Variants in CAMSAP1 observed in about 807,000 individuals in gnomAD.
The protein encoded by CAMSAP1 is calmodulin-regulated spectrin-associated protein 1.
Under a neutral mutation model 143.5 loss-of-function variants are expected in CAMSAP1, and 58 were observed. The observed-to-expected ratio is 0.40, with a 90% CI of 0.33 to 0.50. The LOEUF (loss-of-function observed/expected upper bound fraction) is 0.50. Among genes scored for constraint, CAMSAP1 ranks in the 20% least tolerant of loss-of-function variants. CAMSAP1 has a pLI of 0.45. For synonymous variants in CAMSAP1, 945 were observed against 859.3 expected (o/e 1.10, Z -1.74); for missense variants, 1,969 against 2,115.7 (o/e 0.93, Z 1.36).
Position 135,821,182 on chromosome 9 carries a change from G to A in CAMSAP1, c.3479C>T (p.Pro1160Leu). Residue 1160 changes from proline to leucine, a missense_variant, in exon 11 of 17, where the codon CCA becomes CTA. By Grantham distance (98) the Pro-to-Leu change is moderately conservative (BLOSUM62 -3). This residue lies in a region of CAMSAP1 where 1,390 missense variants were observed against 1,420.8 expected (regional missense o/e 0.98). Coordinates refer to ENST00000389532, the MANE Select transcript of CAMSAP1 (RefSeq NM_015447.4). The surrounding 1 kb of genome is among the most constrained non-coding windows in gnomAD (Gnocchi z 4.6). ...LDSALEPSGD[P>L]HGKCLFDSYR... ...ACTGTCGAAGAGACACTTCCCATGT[G>A]GGTCACCACTGGGCTCCAGGGCACT... is the stretch of plus-strand genomic sequence containing the variant. 1 of 1,610,464 alleles carries A rather than the reference G, an allele frequency of 6.2e-7. No individual in the cohort carries two copies. The highest frequency in any genetic ancestry group is 8.5e-7 in the Non-Finnish European group (1 of 1,179,884).
At chr9:135,878,942 T>G (rs76487513) in intron 3 of CAMSAP1, among the ~76,000 whole-genome samples, 2,190 of 152,092 alleles carry the variant, frequency 0.014, 61 homozygotes, top group African/African-American at 0.048. Context: ...GAAAAGGTCA[T>G]GAAAACTAAA....
Position 135,829,424 on chromosome 9 carries a change from G to A in CAMSAP1, c.1046-1840C>T, listed in dbSNP as rs1835780265. ...CCCAGCTACTTGGGAGGCTGAGGTA[G>A]GAGGATTGCTTGAGCCCAGGAGTCT... On this transcript the variant is annotated intron_variant, in intron 7 of 16. Coordinates refer to ENST00000389532, the MANE Select transcript of CAMSAP1 (RefSeq NM_015447.4). Among the ~76,000 whole-genome samples, 3 of 152,156 alleles carry A rather than the reference G, an allele frequency of 2.0e-5. No homozygotes were observed. The South Asian group carries it at 6.2e-4, about 32-fold the overall frequency.
At chr9:135,851,687 C>T (rs1179024732) in intron 5 of CAMSAP1, among the ~76,000 whole-genome samples, 1 of 152,184 alleles carries the variant, frequency 6.6e-6, no homozygotes, top group Non-Finnish European at 1.5e-5. Flanking sequence ...CAAGCTATGC[C>T]TCATTTTAGC....
chr9:135,889,893 C>T (rs964161934), intron 1 of CAMSAP1, among the ~76,000 whole-genome samples: 1 of 152,302 alleles, frequency 6.6e-6, no homozygotes, highest in East Asian at 1.9e-4. Flanking sequence ...CCGTAAGCTC[C>T]CACCCGTAGC....
chr9:135,891,395 G>C (rs1272415769), intron 1 of CAMSAP1, among the ~76,000 whole-genome samples: 1 of 152,244 alleles, frequency 6.6e-6, no homozygotes, highest in Admixed American at 6.5e-5. Flanking sequence ...GATCCCCAGA[G>C]ACGTGTATGA....
intron 4 of CAMSAP1, among the ~76,000 whole-genome samples, chr9:135,863,316 C>T (rs1170726570): frequency 2.0e-5 from 3 of 152,166 alleles, no homozygotes; most frequent in African/African-American, 4.8e-5. Flanking sequence ...TGCATGTCAG[C>T]GAACAAGAGC....
chr9:135,851,905 G>A (rs924428827), intron 5 of CAMSAP1, among the ~76,000 whole-genome samples: 1 of 152,170 alleles, frequency 6.6e-6, no homozygotes, highest in Non-Finnish European at 1.5e-5. Context: ...GGGACTCGCT[G>A]GGCCACGAGC....
chr9:135,900,413 G>C (rs1838580247), intron 1 of CAMSAP1, among the ~76,000 whole-genome samples: 1 of 152,082 alleles, frequency 6.6e-6, no homozygotes, highest in Non-Finnish European at 1.5e-5. Context: ...GAAAAAGAGG[G>C]CCGGGCACGG....
chr9:135,819,109 C>G lies in CAMSAP1; in HGVS notation c.3860G>C (p.Arg1287Pro). 6.2e-7 allele frequency: 1 copy of G among 1,601,086 alleles called. No homozygotes were observed. ...CTGCTGCTTCAGGAGGAAGGCCGCC[C>G]GCTTCTTGGCGAGCTCATCTTCCGC... ...QKAEDELAKKRAAFLLKQQRK... is the reference protein window; with the variant it reads ...QKAEDELAKKPAAFLLKQQRK... The change falls in exon 12 of 17, where the codon CGG (arginine) becomes CCG (proline). Residue 1287 changes from arginine (R) to proline (P), a missense_variant. Physicochemically the swap from Arg to Pro is moderately radical, Grantham distance 103 (BLOSUM62 -2). This residue lies in a region of CAMSAP1 where 1,390 missense variants were observed against 1,420.8 expected (regional missense o/e 0.98). Transcript: ENST00000389532.
In CAMSAP1 at chr9:135,819,153, G is replaced by T; in HGVS notation, c.3823-7C>A. On this transcript the variant is annotated splice_polypyrimidine_tract_variant and splice_region_variant and intron_variant, in intron 11 of 16. Coordinates refer to ENST00000389532, the MANE Select transcript of CAMSAP1 (RefSeq NM_015447.4). ...CTTCCGCTTTCTGTTCATCCTGCAA[G>T]ACAGAGGCCACACAGAGCATGACAG... 6.3e-7 allele frequency: 1 copy of T among 1,599,812 alleles called. No individual in the cohort carries two copies.
intron 7 of CAMSAP1, among the ~76,000 whole-genome samples, chr9:135,845,267 C>A (rs1428943562): frequency 6.6e-6 from 1 of 152,074 alleles, no homozygotes; most frequent in East Asian, 1.9e-4. Flanking sequence ...GACAAAAAAC[C>A]ACATGATTAT....
chr9:135,847,634 T>TCATA (rs1258092257), intron 7 of CAMSAP1, among the ~76,000 whole-genome samples: 1 of 148,992 alleles, frequency 6.7e-6, no homozygotes, highest in African/African-American at 2.5e-5. Flanking sequence ...ATGTTCTTAC[T>TCATA]CATAAGTGGG....
At chr9:135,901,459 G>A (rs1046243870) in intron 1 of CAMSAP1, among the ~76,000 whole-genome samples, 1 of 152,092 alleles carries the variant, frequency 6.6e-6, no homozygotes, top group South Asian at 2.1e-4. Flanking sequence ...ATAATTAACC[G>A]GACCAGGAGG....
chr9:135,855,804 G>A (rs1836939205), intron 5 of CAMSAP1, among the ~76,000 whole-genome samples: 1 of 149,326 alleles, frequency 6.7e-6, no homozygotes, highest in East Asian at 2.0e-4. Flanking sequence ...TGTAATCCCA[G>A]CACTTTGGGA....
At position 135,828,233 on chromosome 9, in the gene CAMSAP1, G is replaced by A. The variant is rs186091817; in HGVS notation, c.1046-649C>T. On this transcript the variant is annotated intron_variant, in intron 7 of 16. Coordinates refer to ENST00000389532, the MANE Select transcript of CAMSAP1 (RefSeq NM_015447.4). ...TCTGTATCTAAGGCTGCTTCCCAGA[G>A]AACTAACCTATGGGAGGTGGTGCCA... is the stretch of plus-strand genomic sequence containing the variant. Among the ~76,000 whole-genome samples the A allele has an allele frequency of 2.6e-4, 40 of 152,362 alleles. 2 individuals carry two copies. The East Asian group carries it at 5.4e-3, about 21-fold the overall frequency.
intron 16 of CAMSAP1, among the ~76,000 whole-genome samples, chr9:135,813,706 G>C (rs767168958): frequency 6.6e-5 from 10 of 152,200 alleles, no homozygotes; most frequent in Admixed American, 1.3e-4. Flanking sequence ...CTCGCTCCCA[G>C]TCACTCACTG....
intron 5 of CAMSAP1, 147 bp downstream of exon 5, chr9:135,862,320 T>C: frequency 3.2e-6 from 3 of 949,524 alleles, no homozygotes; most frequent in Non-Finnish European, 4.5e-6. Context: ...CCCCCAATTT[T>C]TTCATCTATA....
In CAMSAP1 at chr9:135,821,119, G is replaced by A. The variant is rs918032848; in HGVS notation, c.3542C>T (p.Thr1181Ile). The A allele has an allele frequency of 1.2e-6, 2 of 1,613,600 alleles. No individual in the cohort carries two copies. The highest frequency in any genetic ancestry group is 1.7e-5 in the Admixed American group (1 of 60,038). The change falls in exon 11 of 17, where the codon ACT becomes ATT. Residue 1181 changes from threonine (T) to isoleucine (I), a missense_variant. By Grantham distance (89) the Thr-to-Ile change is moderately conservative. Around this residue, in one of 4 missense-constraint regions of CAMSAP1, gnomAD observed 1,390 missense variants for 1,420.8 expected, o/e 0.98. Transcript: ENST00000389532. The surrounding 1 kb of genome is among the most constrained non-coding windows in gnomAD (Gnocchi z 4.6). ...LHDESNQRTL[T>I]LSSSKDANIL... ...GTTGGCATCTTTGGAAGAGGACAGAGTAAGTGTCCGCTGATTGCTTTCATC... is the reference window on the plus strand; with the variant it reads ...GTTGGCATCTTTGGAAGAGGACAGAATAAGTGTCCGCTGATTGCTTTCATC...
rs758392872 is a variant in CAMSAP1 at position 135,822,744 on chromosome 9, T to A, written c.1917A>T (p.Lys639Asn). Reference sequence around the variant, plus strand: ...TATTCAAGTCGCGACTGCCAGTCATTTTCCTTCGTACCAAAGGCTGGGGGC... The same window carrying A: ...TATTCAAGTCGCGACTGCCAGTCATATTCCTTCGTACCAAAGGCTGGGGGC... ...SEGPQPLVRR[K>N]MTGSRDLNRT... The change falls in exon 11 of 17, where the codon AAA (lysine) becomes AAT (asparagine). Residue 639 changes from lysine to asparagine, a missense_variant. Physicochemically the swap from Lys to Asn is moderately conservative, Grantham distance 94 (BLOSUM62 0). Around this residue, in one of 4 missense-constraint regions of CAMSAP1, gnomAD observed 1,390 missense variants for 1,420.8 expected, o/e 0.98. Coordinates refer to ENST00000389532, the MANE Select transcript of CAMSAP1 (RefSeq NM_015447.4). This position sits in a 1 kb window ranked among gnomAD's most constrained non-coding sequence, Gnocchi z 6.1. The A allele has an allele frequency of 4.3e-6, 7 of 1,612,674 alleles. No homozygotes were observed. The highest frequency in any genetic ancestry group is 5.9e-6 in the Non-Finnish European group (7 of 1,179,240).
Sources: gnomAD v4.1 joint callset for allele counts (sites outside exome capture counted in the v4.1 genomes callset) on GRCh38, gnomAD v4.1.1 for gene constraint, gnomAD v4.1.1 regional missense constraint, Gnocchi (gnomAD v3.1) non-coding constraint, MANE v1.5 for transcripts, NCBI Gene and HGNC (gene_info 2026-07-23, HGNC 2026-07-21) for gene names.